The following MED27 variants were observed in gnomAD, a reference collection of about 807,000 sequenced individuals.
MED27 encodes the protein mediator of RNA polymerase II transcription subunit 27.
A neutral mutation model predicts 38.2 loss-of-function variants in MED27; 30 were observed. The observed-to-expected ratio is 0.79, with a 90% CI of 0.59 to 1.07. The LOEUF (loss-of-function observed/expected upper bound fraction) is 1.07, where lower values mean the gene tolerates loss of function less well. Ranked by LOEUF, MED27 falls within the 50% of genes least tolerant of loss-of-function variation. The pLI, the probability that MED27 is intolerant of heterozygous loss-of-function variation, is 0.00. For synonymous variants in MED27, 122 were observed against 153.5 expected (o/e 0.79, Z 1.52); for missense variants, 289 against 397.5 (o/e 0.73, Z 2.32).
intron 6 of MED27, among the ~76,000 whole-genome samples, chr9:131,878,967 CCATAGA>C (rs1838988194): frequency 1.3e-5 from 2 of 152,264 alleles, no homozygotes; most frequent in African/African-American, 4.8e-5. Flanking sequence ...CTGTTAGCAG[CCATAGA>C]CCCATAGCAA....
At chr9:131,898,689 A>G (rs1186820322) in intron 4 of MED27, among the ~76,000 whole-genome samples, 1 of 150,430 alleles carries the variant, frequency 6.6e-6, no homozygotes, top group Non-Finnish European at 1.5e-5. Context: ...AGTTCAAGCG[A>G]TTCTCCTTCC....
In MED27 at chr9:131,975,070, G is replaced by A. The variant is rs950594252; in HGVS notation, c.480-35596C>T. Among the ~76,000 whole-genome samples the A allele has an allele frequency of 5.3e-5, 8 of 152,260 alleles. No individual in the cohort carries two copies. In the South Asian group the frequency reaches 1.2e-3, roughly 24 times the overall value. On this transcript the variant is annotated intron_variant, in intron 3 of 7. Coordinates refer to ENST00000292035, the MANE Select transcript of MED27 (RefSeq NM_004269.4). ...CCTTTAAGCCAAAGCAAAAAGCCAC[G>A]AAAAGAAACATAATTACTTTGTAGT... is the stretch of plus-strand genomic sequence containing the variant.
chr9:131,972,770 T>C (rs990894256), intron 3 of MED27, among the ~76,000 whole-genome samples: 5 of 151,994 alleles, frequency 3.3e-5, no homozygotes, highest in African/African-American at 1.2e-4. Context: ...ACCTACAGAG[T>C]TTGCCCCATC....
rs1218867316 is a variant in MED27, at chr9:132,067,797, C to T, written c.348+9645G>A. On this transcript the variant is annotated intron_variant, in intron 2 of 7. Transcript: ENST00000292035. ...TGTGATCTCGGCTCATTGCAAGCCC[C>T]GCCTCCCGGGTTCACGCCATTCTCC... Among the ~76,000 whole-genome samples, 3 of 150,986 alleles carry T rather than the reference C, an allele frequency of 2.0e-5. No homozygotes were observed. The East Asian group carries it at 5.9e-4, about 30-fold the overall frequency.
chr9:132,002,961 T>C (rs1225693568), intron 3 of MED27, among the ~76,000 whole-genome samples: 3 of 151,312 alleles, frequency 2.0e-5, no homozygotes, highest in Non-Finnish European at 4.4e-5. Context: ...CCATTAAAAT[T>C]ACTTTCCATT....
At chr9:132,062,135 T>C (rs553451873) in intron 2 of MED27, among the ~76,000 whole-genome samples, 2 of 152,342 alleles carry the variant, frequency 1.3e-5, no homozygotes, top group East Asian at 3.9e-4. Flanking sequence ...CATATTGTCT[T>C]CAAAGATAAT....
chr9:131,988,486 T>C (rs1351926027), intron 3 of MED27, among the ~76,000 whole-genome samples: 2 of 152,244 alleles, frequency 1.3e-5, no homozygotes, highest in Non-Finnish European at 2.9e-5. Flanking sequence ...AAGGCTTTTA[T>C]GAGGATCCAT....
At chr9:131,875,559 AAG>A (rs1838916424) in intron 6 of MED27, among the ~76,000 whole-genome samples, 1 of 152,222 alleles carries the variant, frequency 6.6e-6, no homozygotes, top group Non-Finnish European at 1.5e-5. Context: ...TTCTCAGGAC[AAG>A]AGAGTGTCAC....
rs796806095 is a variant in MED27, at chr9:132,038,402, C to T, written c.349-23935G>A. Among the ~76,000 whole-genome samples, 109 of 151,738 alleles carry T rather than the reference C, an allele frequency of 7.2e-4. 1 individual carries two copies. Among genetic ancestry groups the T allele is most frequent in the African/African-American group, 2.6e-3 (106 of 41,344 alleles). Reference sequence around the variant, plus strand: ...AGAGACGGGGTTTCACCGTTTTAGCCGGGATGGTCTCGATCTCCTGACCTC... The same window carrying T: ...AGAGACGGGGTTTCACCGTTTTAGCTGGGATGGTCTCGATCTCCTGACCTC... On this transcript the variant is annotated intron_variant, in intron 2 of 7. Transcript: ENST00000292035.
chr9:132,027,889 C>T (rs943507793), intron 2 of MED27, among the ~76,000 whole-genome samples: 2 of 152,166 alleles, frequency 1.3e-5, no homozygotes, highest in Non-Finnish European at 1.5e-5. Flanking sequence ...GAGCTGTGAA[C>T]CTGTGCCAGG....
chr9:131,996,573 A>T (rs1832096358), intron 3 of MED27, among the ~76,000 whole-genome samples: 1 of 152,256 alleles, frequency 6.6e-6, no homozygotes, highest in African/African-American at 2.4e-5. Context: ...GTAGAATTGT[A>T]GAAGTAGAAC....
intron 2 of MED27, among the ~76,000 whole-genome samples, chr9:132,038,810 A>C (rs1490423708): frequency 6.6e-6 from 1 of 152,170 alleles, no homozygotes; most frequent in Admixed American, 6.5e-5. Flanking sequence ...ACAGGGAAGA[A>C]GGAAGGAGCT....
chr9:131,892,538 T>TA (rs1377239728), intron 5 of MED27, among the ~76,000 whole-genome samples: 5 of 152,224 alleles, frequency 3.3e-5, no homozygotes, highest in Non-Finnish European at 7.3e-5. Context: ...CCTTTCTACG[T>TA]ATTTGTTCTT....
chr9:132,072,576 G>C (rs991454790), intron 2 of MED27, among the ~76,000 whole-genome samples: 1 of 152,084 alleles, frequency 6.6e-6, no homozygotes, highest in African/African-American at 2.4e-5. Flanking sequence ...GGTGGGGAGG[G>C]AGGAGGAGGG....
At chr9:131,930,330 C>T (rs1256605331) in intron 4 of MED27, among the ~76,000 whole-genome samples, 1 of 152,020 alleles carries the variant, frequency 6.6e-6, no homozygotes, top group Non-Finnish European at 1.5e-5. Context: ...TCTCAAAGGT[C>T]AAGGATAAAG....
chr9:132,012,588 G>A (rs1310384268), intron 3 of MED27, among the ~76,000 whole-genome samples: 2 of 152,072 alleles, frequency 1.3e-5, no homozygotes, highest in South Asian at 2.1e-4. Flanking sequence ...GGATCCCCCC[G>A]GCTCTTCACT....
chr9:132,024,139 T>A (rs892117686), intron 2 of MED27, among the ~76,000 whole-genome samples: 1 of 152,200 alleles, frequency 6.6e-6, no homozygotes, highest in Admixed American at 6.5e-5. Flanking sequence ...TGAGTGATTC[T>A]GGGTGTTTTT....
chr9:131,927,868 G>C (rs1830510742), intron 4 of MED27, among the ~76,000 whole-genome samples: 1 of 152,154 alleles, frequency 6.6e-6, no homozygotes, highest in Non-Finnish European at 1.5e-5. Context: ...TGCCACGAGG[G>C]ACAAAGGCCA....
intron 4 of MED27, among the ~76,000 whole-genome samples, chr9:131,922,900 CA>C (rs1320529843): frequency 6.6e-6 from 1 of 152,154 alleles, no homozygotes; most frequent in Non-Finnish European, 1.5e-5. Context: ...AGGCGTGAAC[CA>C]CCGTGCCCAG....
Sources: gnomAD v4.1 joint callset for allele counts (sites outside exome capture counted in the v4.1 genomes callset) on GRCh38, gnomAD v4.1.1 for gene constraint, MANE v1.5 for transcripts, NCBI Gene and HGNC (gene_info 2026-07-23, HGNC 2026-07-21) for gene names.